Variants in SULF1 observed in about 807,000 individuals in gnomAD.
SULF1 encodes the protein extracellular sulfatase Sulf-1.
In SULF1, 46 loss-of-function variants were observed where a neutral mutation model predicts 110.5. The observed-to-expected ratio is 0.42, with a 90% CI of 0.33 to 0.53. The LOEUF (loss-of-function observed/expected upper bound fraction) is 0.53, where lower values mean the gene tolerates loss of function less well. SULF1 is among the 20% of genes least tolerant of loss of function. SULF1 has a pLI of 0.12. For missense variants in SULF1, 941 were observed against 1,094.2 expected, an observed-to-expected ratio of 0.86 and a Z score of 1.98; for synonymous variants, 371 against 387.1, an observed-to-expected ratio of 0.96 and a Z score of 0.49.
At chr8:69,642,769 G>T (rs1435781802) in intron 22 of SULF1, among the ~76,000 whole-genome samples, 1 of 152,202 alleles carries the variant, frequency 6.6e-6, no homozygotes, top group African/African-American at 2.4e-5. Flanking sequence ...TCAGGGATGA[G>T]TCAGAGAGTC....
rs1563590214 is a variant in SULF1 at position 69,616,150 on chromosome 8, G to GTGTGTATATATATATACACACATATATA, written c.1378-4880_1378-4879insATATATATATACACACATATATATGTGT. On this transcript the variant is annotated intron_variant, in intron 13 of 22. Coordinates refer to ENST00000402687, the MANE Select transcript of SULF1 (RefSeq NM_001128205.2). ...TGTGTATATATATACACACATATAT[G>GTGTGTATATATATATACACACATATATA]TGTGTGTATATATACATATATATGT... 3.3e-3 allele frequency among the ~76,000 whole-genome samples: 463 copies of GTGTGTATATATATATACACACATATATA among 141,358 alleles called. 3 individuals carry two copies. The highest frequency in any genetic ancestry group is 0.012 in the African/African-American group (445 of 37,914). The allele number at this position is 141,358 out of a possible 152,430, so 92.7% of individuals were successfully genotyped here.
chr8:69,555,002 A>C (rs1266942293), intron 3 of SULF1, among the ~76,000 whole-genome samples: 2 of 141,880 alleles, frequency 1.4e-5, no homozygotes, highest in Non-Finnish European at 1.5e-5. Flanking sequence ...AAAAAAACAA[A>C]AAAAAAAAAC....
chr8:69,631,235 A>G (rs1259208583), intron 19 of SULF1, among the ~76,000 whole-genome samples: 1 of 152,192 alleles, frequency 6.6e-6, no homozygotes, highest in Non-Finnish European at 1.5e-5. Context: ...TGCAAAACAC[A>G]GGGTTATAGT....
rs767217172 is a variant in SULF1, at chr8:69,658,943, AT to A, written c.*411del. The A allele has an allele frequency of 8.0e-5, 37 of 461,708 alleles. No homozygotes were observed. The highest frequency in any genetic ancestry group is 1.3e-4 in the Non-Finnish European group (29 of 230,338). The allele number at this position is 461,708 out of a possible 1,614,324, so 28.6% of individuals were successfully genotyped here. ...AATAACGACATTCCAGAAGTTAATC[AT>A]TTGAATTCTGAACACTGGAGAAAAA... On this transcript the variant is annotated 3_prime_UTR_variant, in exon 23 of 23. Coordinates refer to ENST00000402687, the MANE Select transcript of SULF1 (RefSeq NM_001128205.2).
rs563451085 is a variant in SULF1, at chr8:69,539,658, G to A, written c.-133-23881G>A. Among the ~76,000 whole-genome samples the A allele has an allele frequency of 4.3e-5, 5 of 116,698 alleles. No homozygotes were observed. The East Asian group carries it at 6.1e-4, about 14-fold the overall frequency. The allele number at this position is 116,698 out of a possible 152,430, so 76.6% of individuals were successfully genotyped here. A position where few individuals can be genotyped will look rare whatever the true frequency, so the allele number is the denominator to read the frequency against. ...GCCTCTAGAGGGAAAATAACTGTCC[G>A]ATATGCGCAGGGCATTCCTCGAGTC... On this transcript the variant is annotated intron_variant, in intron 3 of 22. Coordinates refer to ENST00000402687, the MANE Select transcript of SULF1 (RefSeq NM_001128205.2).
Position 69,564,089 on chromosome 8 carries a change from A to C in SULF1, c.114A>C (p.Arg38=), listed in dbSNP as rs367922640. The C allele has an allele frequency of 8.1e-6, 13 of 1,614,070 alleles. No homozygotes were observed. The highest frequency in any genetic ancestry group is 1.1e-5 in the Non-Finnish European group (13 of 1,180,038). The change falls in exon 5 of 23, where the codon CGA becomes CGC. Residue 38 remains arginine, a synonymous_variant. Transcript: ENST00000402687. ...PRFRGRIQQE[R]KNIRPNIILV... Reference sequence around the variant, plus strand: ...TCAGAGGACGGATACAGCAGGAACGAAAAAACATCCGACCCAACATTATTC... The same window carrying C: ...TCAGAGGACGGATACAGCAGGAACGCAAAAACATCCGACCCAACATTATTC...
At position 69,636,717 on chromosome 8, in the gene SULF1, T is replaced by G. The variant is rs141753824; in HGVS notation, c.2285-1785T>G. ...ATGAGGCAAAACTTCGTAGCCCAAT[T>G]TGTTCAACTTTTGAAGCGTTGGTTG... On this transcript the variant is annotated intron_variant, in intron 19 of 22. Coordinates refer to ENST00000402687, the MANE Select transcript of SULF1 (RefSeq NM_001128205.2). Among the ~76,000 whole-genome samples, 827 of 152,270 alleles carry G rather than the reference T, an allele frequency of 5.4e-3. 5 individuals are homozygous for G. Among genetic ancestry groups the G allele is most frequent in the African/African-American group, 0.019 (781 of 41,542 alleles).
chr8:69,561,786 T>C (rs1482835091), intron 3 of SULF1, among the ~76,000 whole-genome samples: 3 of 152,200 alleles, frequency 2.0e-5, no homozygotes, highest in Non-Finnish European at 4.4e-5. Flanking sequence ...TTTCTGTATT[T>C]AACTATTTAG....
chr8:69,554,557 T>C lies in SULF1; in HGVS notation c.-133-8982T>C, dbSNP rs1814948526. On this transcript the variant is annotated intron_variant, in intron 3 of 22. Transcript: ENST00000402687. The stretch of plus-strand genomic sequence containing the variant: ...AGCCAGTAAACTAACACAGATGTCA[T>C]AAAGTTTCAAGACACTACAGGTTCA... 2.0e-5 allele frequency among the ~76,000 whole-genome samples: 3 copies of C among 152,076 alleles called. No individual in the cohort carries two copies. In the South Asian group the frequency reaches 6.2e-4, roughly 31 times the overall value.
intron 1 of SULF1, among the ~76,000 whole-genome samples, chr8:69,483,520 T>A (rs1809588223): frequency 6.6e-6 from 1 of 152,168 alleles, no homozygotes; most frequent in South Asian, 2.1e-4. Context: ...GTTCTGGAAT[T>A]TAGGATTTAA....
At chr8:69,567,622 C>G (rs898945235) in intron 5 of SULF1, among the ~76,000 whole-genome samples, 3 of 152,158 alleles carry the variant, frequency 2.0e-5, no homozygotes, top group African/African-American at 7.2e-5. Flanking sequence ...TTTACTTACC[C>G]TCATGTCCTC....
intron 22 of SULF1, 38 bp downstream of exon 22, chr8:69,640,879 C>T (rs770173020): frequency 1.3e-5 from 20 of 1,595,290 alleles, no homozygotes; most frequent in Non-Finnish European, 1.6e-5. Context: ...CAGCTTCTTC[C>T]CCAATAATTG....
At chr8:69,570,508 G>A (rs1805149509) in intron 5 of SULF1, among the ~76,000 whole-genome samples, 1 of 152,056 alleles carries the variant, frequency 6.6e-6, no homozygotes, top group Non-Finnish European at 1.5e-5. Context: ...CCAAATTAGG[G>A]GGACATTTTC....
intron 3 of SULF1, among the ~76,000 whole-genome samples, chr8:69,548,800 A>AAAAC (rs1393668739): frequency 6.6e-6 from 1 of 152,018 alleles, no homozygotes; most frequent in Admixed American, 6.6e-5. Context: ...AAAACAAAAC[A>AAAAC]AAACAAAACA....
chr8:69,644,862 T>G (rs575620074), intron 22 of SULF1, among the ~76,000 whole-genome samples: 1 of 152,016 alleles, frequency 6.6e-6, no homozygotes, highest in South Asian at 2.1e-4. Flanking sequence ...GCTGTCCTGA[T>G]GTAGGTTACC....
chr8:69,536,579 T>C (rs1435678782), intron 3 of SULF1, among the ~76,000 whole-genome samples: 1 of 152,202 alleles, frequency 6.6e-6, no homozygotes, highest in Non-Finnish European at 1.5e-5. Context: ...GAGTGTAATC[T>C]ATTAGCCACA....
chr8:69,583,494 A>T (rs944857537), intron 6 of SULF1, among the ~76,000 whole-genome samples: 2 of 152,040 alleles, frequency 1.3e-5, no homozygotes, highest in Admixed American at 1.3e-4. Flanking sequence ...GAATCGCTTG[A>T]ACCCAAGAGG....
At position 69,624,122 on chromosome 8, in the gene SULF1, G is replaced by A; in HGVS notation, c.1775G>A (p.Gly592Asp). 3.7e-6 allele frequency: 6 copies of A among 1,613,698 alleles called. No homozygotes were observed. Among genetic ancestry groups the A allele is most frequent in the South Asian group, 1.1e-5 (1 of 91,040 alleles). The part of the protein sequence containing the change: ...KGPRDLQASS[G>D]GNRGRMLADS... Reference sequence around the variant, plus strand: ...CCAAGAGATCTCCAGGCTTCCAGTGGTGGCAACAGGGGCAGGATGCTGGCA... The same window carrying A: ...CCAAGAGATCTCCAGGCTTCCAGTGATGGCAACAGGGGCAGGATGCTGGCA... The change falls in exon 15 of 23, where the codon GGT (glycine) becomes GAT (aspartate). Residue 592 changes from glycine (G) to aspartate (D), a missense_variant. By Grantham distance (94) the Gly-to-Asp change is moderately conservative. Transcript: ENST00000402687.
At chr8:69,592,029 G>A (rs141488520) in intron 8 of SULF1, among the ~76,000 whole-genome samples, 5 of 152,300 alleles carry the variant, frequency 3.3e-5, no homozygotes, top group African/African-American at 4.8e-5. Context: ...CAGAGCAGAC[G>A]TTCGCAGGGC....
Sources: allele counts gnomAD v4.1 joint callset (sites outside exome capture counted in the v4.1 genomes callset), GRCh38; gene constraint gnomAD v4.1.1; transcripts MANE v1.5; gene names NCBI Gene and HGNC (gene_info 2026-07-23, HGNC 2026-07-21).